Variants in SLC9B2 observed in about 807,000 individuals in gnomAD.
SLC9B2 encodes the protein solute carrier family 9 member B2, also known as sodium/hydrogen exchanger 9B2.
In SLC9B2, 39 loss-of-function variants were observed where a neutral mutation model predicts 52.2. The ratio of observed to expected loss-of-function variants is 0.75; its 90% CI spans 0.58 to 0.98. The LOEUF is 0.98. Ranked by LOEUF, SLC9B2 falls within the 50% of genes least tolerant of loss-of-function variation. The probability of loss-of-function intolerance (pLI) is 0.00; values close to 1 mark genes in which losing one functional copy is unlikely to be tolerated. For missense variants in SLC9B2, 626 were observed against 637.5 expected (o/e 0.98, Z 0.19); for synonymous variants, 214 against 227.0 (o/e 0.94, Z 0.51).
At chr4:103,018,748 CTT>C (rs1201360843), downstream of SLC9B2, among the ~76,000 whole-genome samples, 3 of 152,166 alleles carry the variant, frequency 2.0e-5, no homozygotes, top group Non-Finnish European at 4.4e-5. Context: ...ATGTGTGCAA[CTT>C]TCCTTTTTCC....
At chr4:103,050,119 T>C (rs1744534620) in intron 5 of SLC9B2, 121 bp downstream of exon 5, 1 of 876,524 alleles carries the variant, frequency 1.1e-6, no homozygotes, top group African/African-American at 1.8e-5. Flanking sequence ...TCTATTTTAT[T>C]CTCAAGAATG....
chr4:103,057,295 T>C lies in SLC9B2; in HGVS notation c.442+506A>G, dbSNP rs865903631. On this transcript the variant is annotated intron_variant, in intron 4 of 11. Transcript: ENST00000394785. ...ATATACACACACACACACACATATA[T>C]ACACACACACACACACAAACACAAA... 1.4e-3 allele frequency among the ~76,000 whole-genome samples: 203 copies of C among 146,018 alleles called. No homozygotes were observed. In the Middle Eastern group the frequency reaches 0.014, roughly 10 times the overall value.
intron 2 of SLC9B2, among the ~76,000 whole-genome samples, chr4:103,067,202 C>T (rs958833625): frequency 7.9e-5 from 12 of 152,138 alleles, no homozygotes; most frequent in African/African-American, 2.9e-4. Context: ...ATGAAAACCA[C>T]TTCACATTCA....
downstream of SLC9B2, chr4:103,019,531 GA>G (rs1741635640): frequency 1.0e-5 from 10 of 970,276 alleles, no homozygotes; most frequent in Non-Finnish European, 1.2e-5. Context: ...GCAAGGAAAC[GA>G]TCGCGGCAGA....
At position 103,024,210 on chromosome 4, in the gene SLC9B2, T is replaced by C. The variant is rs1293060770; in HGVS notation, c.*2160A>G. ...AGGACAGGGACAATATTATTCTTGA[T>C]GATGTGCCTGGATCTCAAAAGCTTT... On this transcript the variant is annotated 3_prime_UTR_variant, in exon 12 of 12. Transcript: ENST00000394785. Among the ~76,000 whole-genome samples the C allele has an allele frequency of 6.6e-6, 1 of 152,208 alleles. No homozygotes were observed. Among genetic ancestry groups the C allele is most frequent in the Non-Finnish European group, 1.5e-5 (1 of 68,020 alleles).
At chr4:103,055,064 AATG>A (rs1323779049) in intron 4 of SLC9B2, among the ~76,000 whole-genome samples, 3 of 152,200 alleles carry the variant, frequency 2.0e-5, no homozygotes, top group African/African-American at 7.2e-5. Context: ...AGCCATAAAA[AATG>A]ATGAGTTCGT....
At chr4:103,032,343 T>G (rs1277185222) in intron 9 of SLC9B2, among the ~76,000 whole-genome samples, 1 of 152,154 alleles carries the variant, frequency 6.6e-6, no homozygotes, top group Non-Finnish European at 1.5e-5. Context: ...AAAATACTGT[T>G]TAAGGTTATC....
intron 11 of SLC9B2, 90 bp from the exon 12 acceptor site, chr4:103,026,681 C>A: frequency 8.1e-7 from 1 of 1,228,170 alleles, no homozygotes; most frequent in Non-Finnish European, 1.1e-6. Flanking sequence ...AAGCAAATTG[C>A]TTGTTCTTTT....
chr4:103,019,440 G>A (rs957938796), downstream of SLC9B2, among the ~76,000 whole-genome samples: 4 of 152,192 alleles, frequency 2.6e-5, no homozygotes, highest in Non-Finnish European at 5.9e-5. Context: ...CAATGTCTGT[G>A]GCTGTTCCCT....
chr4:103,057,260 A>ATATATATGTATATATATATATGTATGTG (rs1560555113), intron 4 of SLC9B2, among the ~76,000 whole-genome samples: 3 of 147,726 alleles, frequency 2.0e-5, no homozygotes, highest in African/African-American at 7.5e-5. Context: ...ATATATATAT[A>ATATATATGTATATATATATATGTATGTG]TATATATATA....
intron 7 of SLC9B2, 141 bp from the exon 8 acceptor site, chr4:103,045,137 G>C (rs116491323): frequency 1.6e-6 from 1 of 617,374 alleles, no homozygotes; most frequent in Non-Finnish European, 2.8e-6. Flanking sequence ...TCTTAAATAT[G>C]TAAGTGGAAC....
intron 7 of SLC9B2, among the ~76,000 whole-genome samples, 156 bp downstream of exon 7, chr4:103,046,895 C>G (rs1238572287): frequency 6.6e-6 from 1 of 152,230 alleles, no homozygotes; most frequent in Non-Finnish European, 1.5e-5. Flanking sequence ...AGACAGACAG[C>G]TTCTGGACCC....
chr4:103,058,289 C>A (rs1745330689), intron 3 of SLC9B2, among the ~76,000 whole-genome samples: 1 of 152,174 alleles, frequency 6.6e-6, no homozygotes, highest in African/African-American at 2.4e-5. Context: ...AAATTTAGTT[C>A]TGTCTTGAAT....
intron 9 of SLC9B2, 56 bp from the exon 10 acceptor site, chr4:103,031,864 A>G: frequency 6.6e-7 from 1 of 1,515,544 alleles, no homozygotes; most frequent in Non-Finnish European, 9.1e-7. Context: ...ACAAATGCAA[A>G]GAATTTTATT....
rs200785512 is a variant in SLC9B2, at chr4:103,055,444, CAA to C, written c.442+2355_442+2356del. On this transcript the variant is annotated intron_variant, in intron 4 of 11. Transcript: ENST00000394785. Reference sequence around the variant, plus strand: ...TAATACAATTAATAACTTTAGAGAACAAAAAGTTTCCATGAGAAATAATATGA... The same window carrying C: ...TAATACAATTAATAACTTTAGAGAACAAAGTTTCCATGAGAAATAATATGA... Among the ~76,000 whole-genome samples, 815 of 152,118 alleles carry C rather than the reference CAA, an allele frequency of 5.4e-3. 9 individuals are homozygous for C. The highest frequency in any genetic ancestry group is 0.019 in the African/African-American group (772 of 41,500).
chr4:103,067,092 T>C (rs1746204720), intron 2 of SLC9B2, among the ~76,000 whole-genome samples: 1 of 152,158 alleles, frequency 6.6e-6, no homozygotes, highest in South Asian at 2.1e-4. Context: ...TTTATTATGT[T>C]TTATAATACT....
At chr4:103,034,215 C>G (rs188911218) in intron 9 of SLC9B2, among the ~76,000 whole-genome samples, 15 of 152,264 alleles carry the variant, frequency 9.9e-5, no homozygotes, top group East Asian at 3.9e-4. Flanking sequence ...AAAGGACCCC[C>G]TATTCAATAA....
chr4:103,050,978 TG>T (rs1312038486), intron 4 of SLC9B2, among the ~76,000 whole-genome samples: 10 of 152,066 alleles, frequency 6.6e-5, no homozygotes, highest in Non-Finnish European at 1.5e-4. Flanking sequence ...CATATAATAA[TG>T]GATTACATTT....
chr4:103,066,475 A>C lies in SLC9B2; in HGVS notation c.123T>G (p.Asp41Glu), dbSNP rs1048875263. ...TACTTCCTTCTGTTGGTTCATTTGC[A>C]TCTATACCTTTGAGCTTCATAACTG... ...EETVMKLKGI[D>E]ANEPTEGSIL... The change falls in exon 3 of 12, where the codon GAT (aspartate) becomes GAG (glutamate). Residue 41 changes from aspartate to glutamate, a missense_variant. By Grantham distance (45) the Asp-to-Glu change is conservative. Coordinates refer to ENST00000394785, the MANE Select transcript of SLC9B2 (RefSeq NM_178833.7). 62 of 1,613,846 alleles carry C rather than the reference A, an allele frequency of 3.8e-5. No individual in the cohort carries two copies. Among genetic ancestry groups the C allele is most frequent in the Non-Finnish European group, 5.3e-5 (62 of 1,179,898 alleles).
Sources: gnomAD v4.1 joint callset for allele counts (sites outside exome capture counted in the v4.1 genomes callset) on GRCh38, gnomAD v4.1.1 for gene constraint, MANE v1.5 for transcripts, NCBI Gene and HGNC (gene_info 2026-07-23, HGNC 2026-07-21) for gene names.